Variants in PTCD3 observed in about 807,000 individuals in gnomAD.
PTCD3 encodes the protein small ribosomal subunit protein mS39.
A neutral mutation model predicts 101.9 loss-of-function variants in PTCD3; 89 were observed. The ratio of observed to expected loss-of-function variants is 0.87; its 90% CI spans 0.74 to 1.04. The LOEUF (loss-of-function observed/expected upper bound fraction) is 1.04. PTCD3 is among the 50% of genes least tolerant of loss of function. The pLI, the probability that PTCD3 is intolerant of heterozygous loss-of-function variation, is 0.00. For synonymous variants in PTCD3, 296 were observed against 278.5 expected, an observed-to-expected ratio of 1.06 and a Z score of -0.63; for missense variants, 870 against 828.2, an observed-to-expected ratio of 1.05 and a Z score of -0.62.
At chr2:86,130,585 G>A (rs1674476865) in intron 14 of PTCD3, 63 bp from the exon 15 acceptor site, 2 of 1,571,942 alleles carry the variant, frequency 1.3e-6, no homozygotes, top group African/African-American at 2.7e-5. Flanking sequence ...TTTGTATTAG[G>A]TACAGTGAGT....
chr2:86,123,584 A>T (rs1488352131), intron 8 of PTCD3, 117 bp from the exon 9 acceptor site: 2 of 721,396 alleles, frequency 2.8e-6, no homozygotes, highest in East Asian at 2.9e-5. Flanking sequence ...CTTCTGCTGG[A>T]TCTATGTTTC....
chr2:86,136,123 A>G, intron 21 of PTCD3: 1 of 474,818 alleles, frequency 2.1e-6, no homozygotes, highest in Admixed American at 2.6e-5. Context: ...TTCCCTCCTT[A>G]GAAGGACAGT....
At chr2:86,116,204 T>C (rs1316747888) in intron 4 of PTCD3, among the ~76,000 whole-genome samples, 6 of 152,230 alleles carry the variant, frequency 3.9e-5, no homozygotes, top group Non-Finnish European at 8.8e-5. Flanking sequence ...GAATTTTTGT[T>C]TATCAAAACT....
chr2:86,127,109 T>C, intron 12 of PTCD3, 52 bp from the exon 13 acceptor site: 3 of 1,502,168 alleles, frequency 2.0e-6, no homozygotes, highest in Non-Finnish European at 2.7e-6. Context: ...ACATAGATTA[T>C]TGGACAGATT....
At chr2:86,109,157 G>A (rs1053588926) in intron 3 of PTCD3, among the ~76,000 whole-genome samples, 2 of 152,194 alleles carry the variant, frequency 1.3e-5, no homozygotes, top group Non-Finnish European at 2.9e-5. Context: ...TGTAATCCCA[G>A]CACTTTGGGA....
intron 4 of PTCD3, among the ~76,000 whole-genome samples, chr2:86,113,696 A>G (rs1024593332): frequency 1.3e-5 from 2 of 152,062 alleles, no homozygotes; most frequent in African/African-American, 4.8e-5. Context: ...AGTCCCAGCT[A>G]CTTGGGAGGC....
At chr2:86,118,185 T>C (rs1674210774) in intron 6 of PTCD3, among the ~76,000 whole-genome samples, 1 of 152,250 alleles carries the variant, frequency 6.6e-6, no homozygotes, top group Admixed American at 6.5e-5. Context: ...TTTGGTACTC[T>C]TTTGTATATC....
rs951286937 is a variant in PTCD3, at chr2:86,141,847, G to C, written c.*4288G>C. 1 of 152,138 alleles carries C rather than the reference G, an allele frequency of 6.6e-6. No individual in the cohort carries two copies. The highest frequency in any genetic ancestry group is 1.5e-5 in the Non-Finnish European group (1 of 68,038). 9.4% of individuals were successfully genotyped at this position (152,138 alleles called of 1,614,324 possible). ...AAGCCTACCTGCCCTAATGGCTCAG[G>C]GCTATATCCACCTCCCGGATAACCC... On this transcript the variant is annotated 3_prime_UTR_variant, in exon 24 of 24. Coordinates refer to ENST00000254630, the MANE Select transcript of PTCD3 (RefSeq NM_017952.6).
chr2:86,119,087 G>A, intron 7 of PTCD3, 43 bp downstream of exon 7: 1 of 1,602,538 alleles, frequency 6.2e-7, no homozygotes, highest in Non-Finnish European at 8.5e-7. Context: ...CATGGGCTTT[G>A]AAGTGGGCCC....
rs1423909072 is a variant in PTCD3 at position 86,106,360 on chromosome 2, C to A, written c.104+9C>A. 1 of 1,612,202 alleles carries A rather than the reference C, an allele frequency of 6.2e-7. No homozygotes were observed. Among genetic ancestry groups the A allele is most frequent in the East Asian group, 2.2e-5 (1 of 44,842 alleles). ...CAGGCACGCAGCTGCAGGTAAGAGA[C>A]GCTTAGGGTATCCGCGAAGAAGACC... On this transcript the variant is annotated intron_variant, in intron 1 of 23. Transcript: ENST00000254630.
chr2:86,135,109 C>T, intron 21 of PTCD3, 122 bp downstream of exon 21: 1 of 1,207,380 alleles, frequency 8.3e-7, no homozygotes, highest in Non-Finnish European at 1.1e-6. Context: ...CGGGAACTTG[C>T]AAATACCAAC....
intron 3 of PTCD3, among the ~76,000 whole-genome samples, chr2:86,109,342 G>T (rs1226925172): frequency 6.6e-6 from 1 of 151,472 alleles, no homozygotes; most frequent in South Asian, 2.1e-4. Flanking sequence ...GGGAGACGGA[G>T]CTTGCAGTGA....
intron 21 of PTCD3, among the ~76,000 whole-genome samples, chr2:86,135,625 G>A (rs1386380566): frequency 6.6e-6 from 1 of 152,142 alleles, no homozygotes; most frequent in Non-Finnish European, 1.5e-5. Flanking sequence ...ATTTTGTTTT[G>A]TATATAAATG....
At chr2:86,107,027 G>T (rs1326578740) in intron 1 of PTCD3, 1 of 441,482 alleles carries the variant, frequency 2.3e-6, no homozygotes, top group Non-Finnish European at 4.8e-6. Flanking sequence ...CTCATCTGCA[G>T]ACTAGAGTTG....
rs1315718253 is a variant in PTCD3 at position 86,108,533 on chromosome 2, C to G, written c.191C>G (p.Thr64Ser). 1 of 1,594,950 alleles carries G rather than the reference C, an allele frequency of 6.3e-7. No individual in the cohort carries two copies. The highest frequency in any genetic ancestry group is 2.2e-5 in the East Asian group (1 of 44,684). ...GAAGTAGTAATTCCAAAAAAGAAAA[C>G]TTGGTAAGTATTCTATCAGTGTTCA... ...IEEVVIPKKK[T>S]WDKVAVLQAL... is the part of the protein sequence containing the mutation. Residue 64 changes from threonine to serine, a missense_variant, in exon 3 of 24, where the codon ACT (threonine) becomes AGT (serine). Transcript: ENST00000254630.
At position 86,124,996 on chromosome 2, in the gene PTCD3, G is replaced by A; in HGVS notation, c.718G>A (p.Ala240Thr). The A allele has an allele frequency of 6.2e-7, 1 of 1,613,768 alleles. No homozygotes were observed. Among genetic ancestry groups the A allele is most frequent in the Non-Finnish European group, 8.5e-7 (1 of 1,179,970 alleles). Residue 240 changes from alanine (A) to threonine (T), a missense_variant and splice_region_variant, in exon 10 of 24, where the codon GCA (alanine) becomes ACA (threonine). Coordinates refer to ENST00000254630, the MANE Select transcript of PTCD3 (RefSeq NM_017952.6). ...TCACATTTACTCTCTTGTGTCTAGA[G>A]CAAAAAACAACGCTGAGAGAATCTT... ...AGHQFGVTWR[A>T]KNNAERIFSL...
Position 86,118,945 on chromosome 2 carries a change from C to CCT in PTCD3, c.441_442dup (p.Gln148LeufsTer6). ...GTGTTTAATGCCTGAGTACTTTGAA[C>CCT]CTCAGATCAAAGACATAAGTGAAGC... On this transcript the variant is annotated frameshift_variant, in exon 7 of 24. Coordinates refer to ENST00000254630, the MANE Select transcript of PTCD3 (RefSeq NM_017952.6). LOFTEE classifies it high-confidence loss of function. The CCT allele has an allele frequency of 6.2e-7, 1 of 1,613,592 alleles. No individual in the cohort carries two copies. Among genetic ancestry groups the CCT allele is most frequent in the Non-Finnish European group, 8.5e-7 (1 of 1,179,740 alleles).
chr2:86,134,745 C>G (rs1354357181), intron 20 of PTCD3, 94 bp from the exon 21 acceptor site: 1 of 1,368,678 alleles, frequency 7.3e-7, no homozygotes, highest in Non-Finnish European at 1.0e-6. Flanking sequence ...TGGTAAAATG[C>G]ATTGCTCAGA....
At chr2:86,116,871 A>G (rs1674187038) in intron 5 of PTCD3, among the ~76,000 whole-genome samples, 184 bp from the exon 6 acceptor site, 1 of 152,238 alleles carries the variant, frequency 6.6e-6, no homozygotes, top group African/African-American at 2.4e-5. Flanking sequence ...CAAGCTGTGT[A>G]TAAGATGCTA....
Sources: gnomAD v4.1 joint callset for allele counts (sites outside exome capture counted in the v4.1 genomes callset) on GRCh38, gnomAD v4.1.1 for gene constraint, MANE v1.5 for transcripts, NCBI Gene and HGNC (gene_info 2026-07-23, HGNC 2026-07-21) for gene names.